TYW1: variants seen among roughly 807,000 people sequenced by gnomAD.
TYW1 encodes S-adenosyl-L-methionine-dependent tRNA 4-demethylwyosine synthase TYW1.
In TYW1, 46 loss-of-function variants were observed where a neutral mutation model predicts 96.2. The observed-to-expected ratio is 0.48, with a 90% CI of 0.38 to 0.61. TYW1 has a LOEUF of 0.61. TYW1 is among the 20% of genes least tolerant of loss of function. The probability of loss-of-function intolerance (pLI) is 0.00; values close to 1 mark genes in which losing one functional copy is unlikely to be tolerated. For synonymous variants in TYW1, 274 were observed against 323.0 expected, an observed-to-expected ratio of 0.85 and a Z score of 1.63; for missense variants, 684 against 909.6, an observed-to-expected ratio of 0.75 and a Z score of 3.19.
chr7:67,052,931 C>T (rs138076029), intron 8 of TYW1, among the ~76,000 whole-genome samples: 6,914 of 151,452 alleles, frequency 0.046, 174 homozygotes, highest in Middle Eastern at 0.11. Flanking sequence ...TTAGTAGAGA[C>T]GGGGTTTTAC....
At chr7:67,007,886 C>T (rs767578875) in intron 3 of TYW1, among the ~76,000 whole-genome samples, 3 of 152,240 alleles carry the variant, frequency 2.0e-5, no homozygotes, top group Middle Eastern at 3.4e-3. Flanking sequence ...CTGTCCGCCT[C>T]GGCTTCCCAA....
At chr7:67,134,123 T>A (rs576176974) in intron 13 of TYW1, among the ~76,000 whole-genome samples, 1 of 152,272 alleles carries the variant, frequency 6.6e-6, no homozygotes, top group Non-Finnish European at 1.5e-5. Flanking sequence ...CCGCGGATAG[T>A]GCTTTGCCTG....
intron 14 of TYW1, among the ~76,000 whole-genome samples, chr7:67,190,470 A>G (rs549261873): frequency 6.6e-6 from 1 of 152,366 alleles, no homozygotes; most frequent in African/African-American, 2.4e-5. Context: ...GTTACCTGGT[A>G]ACAGATAACT....
intron 13 of TYW1, among the ~76,000 whole-genome samples, chr7:67,146,827 A>G (rs768983127): frequency 5.9e-5 from 9 of 152,230 alleles, no homozygotes; most frequent in African/African-American, 2.2e-4. Context: ...TCACAGTGTC[A>G]TCAGAGACTC....
intron 15 of TYW1, among the ~76,000 whole-genome samples, chr7:67,213,856 T>C (rs1159074381): frequency 6.6e-6 from 1 of 152,222 alleles, no homozygotes; most frequent in Non-Finnish European, 1.5e-5. Flanking sequence ...GCCTTTCTAT[T>C]CCACTGCATT....
At chr7:67,230,652 CTT>C (rs34585182) in intron 15 of TYW1, among the ~76,000 whole-genome samples, 42 of 119,532 alleles carry the variant, frequency 3.5e-4, no homozygotes, top group African/African-American at 4.8e-4. Context: ...CTTATTATCT[CTT>C]TTTTTTTTTT....
chr7:67,087,854 AT>A (rs1796597430), intron 11 of TYW1, among the ~76,000 whole-genome samples: 1 of 151,878 alleles, frequency 6.6e-6, no homozygotes, highest in South Asian at 2.1e-4. Context: ...TTTTTATTTT[AT>A]TTTATTTTAC....
intron 3 of TYW1, among the ~76,000 whole-genome samples, chr7:67,008,612 A>G (rs1429113943): frequency 6.6e-6 from 1 of 152,082 alleles, no homozygotes; most frequent in Non-Finnish European, 1.5e-5. Flanking sequence ...CTGTCTGTCA[A>G]CCGGCTTCTT....
At chr7:67,131,537 C>T (rs1798074730) in intron 13 of TYW1, among the ~76,000 whole-genome samples, 1 of 151,914 alleles carries the variant, frequency 6.6e-6, no homozygotes, top group Admixed American at 6.6e-5. Flanking sequence ...TTTATCGTTC[C>T]ATATTGTCTT....
chr7:67,013,152 G>A (rs1039132140), intron 4 of TYW1, among the ~76,000 whole-genome samples: 8 of 145,174 alleles, frequency 5.5e-5, no homozygotes, highest in African/African-American at 1.5e-4. Context: ...TCTTCGCTTC[G>A]TTGCCCAGGC....
intron 1 of TYW1, 23 bp from the exon 2 acceptor site, chr7:66,998,042 T>A (rs750460614): frequency 8.3e-6 from 13 of 1,565,330 alleles, no homozygotes; most frequent in South Asian, 1.2e-5. Context: ...TAAATGAAAT[T>A]GTGTGTGTCA....
At chr7:67,003,887 T>TA (rs1793481848) in intron 3 of TYW1, among the ~76,000 whole-genome samples, 1 of 151,832 alleles carries the variant, frequency 6.6e-6, no homozygotes, top group Non-Finnish European at 1.5e-5. Context: ...TACTAAAAAA[T>TA]ACAAAAATTA....
chr7:67,201,200 G>A lies in TYW1; in HGVS notation c.1977+5863G>A, dbSNP rs1004993181. 2.2e-4 allele frequency among the ~76,000 whole-genome samples: 32 copies of A among 147,936 alleles called. 1 individual carries two copies. Among genetic ancestry groups the A allele is most frequent in the Admixed American group, 1.6e-3 (23 of 14,532 alleles). Reference sequence around the variant, plus strand: ...TGTTGCGATAGCCAGCTGTGGTGTCGTGTGCCTGTAGTCTTGGCTACTCGG... The same window carrying A: ...TGTTGCGATAGCCAGCTGTGGTGTCATGTGCCTGTAGTCTTGGCTACTCGG... On this transcript the variant is annotated intron_variant, in intron 15 of 15. Transcript: ENST00000359626.
intron 14 of TYW1, among the ~76,000 whole-genome samples, chr7:67,191,033 A>G (rs1359017948): frequency 6.6e-6 from 1 of 152,152 alleles, no homozygotes; most frequent in Non-Finnish European, 1.5e-5. Context: ...TAAAGAAAGG[A>G]GGTTTGTTTG....
At chr7:67,133,132 G>C (rs1198086036) in intron 13 of TYW1, among the ~76,000 whole-genome samples, 1 of 152,068 alleles carries the variant, frequency 6.6e-6, no homozygotes, top group Non-Finnish European at 1.5e-5. Flanking sequence ...CTTGTTAGTT[G>C]TTGATTCTAT....
intron 13 of TYW1, among the ~76,000 whole-genome samples, chr7:67,180,107 G>A (rs1584661718): frequency 3.8e-5 from 5 of 131,692 alleles, no homozygotes. Flanking sequence ...GATTACAGGC[G>A]TGAGCCAGTG....
chr7:67,218,358 TA>T (rs1434987473), intron 15 of TYW1, among the ~76,000 whole-genome samples: 1 of 136,422 alleles, frequency 7.3e-6, no homozygotes, highest in East Asian at 1.9e-4. Flanking sequence ...TATATTTATT[TA>T]TTTTTTTTTT....
chr7:67,171,346 G>C (rs1325688926), intron 13 of TYW1, among the ~76,000 whole-genome samples: 1 of 151,942 alleles, frequency 6.6e-6, no homozygotes, highest in African/African-American at 2.4e-5. Flanking sequence ...TGGTTTCTTT[G>C]TCTCCCGAGT....
intron 9 of TYW1, among the ~76,000 whole-genome samples, chr7:67,062,139 G>A (rs904282222): frequency 4.0e-5 from 6 of 151,798 alleles, no homozygotes; most frequent in Admixed American, 1.3e-4. Flanking sequence ...GGCTGGGTGC[G>A]GTGGCTCACC....
Sources: allele counts gnomAD v4.1 joint callset (sites outside exome capture counted in the v4.1 genomes callset), GRCh38; gene constraint gnomAD v4.1.1; transcripts MANE v1.5; gene names NCBI Gene and HGNC (gene_info 2026-07-23, HGNC 2026-07-21).